Variants in AGGF1 observed in about 807,000 individuals in gnomAD.
AGGF1 encodes angiogenic factor with G patch and FHA domains 1.
Under a neutral mutation model 86.5 loss-of-function variants are expected in AGGF1, and 56 were observed. The observed-to-expected ratio is 0.65, with a 90% CI of 0.52 to 0.81. The LOEUF (loss-of-function observed/expected upper bound fraction) is 0.81, where lower values mean the gene tolerates loss of function less well. Ranked by LOEUF, AGGF1 falls within the 30% of genes least tolerant of loss-of-function variation. AGGF1 has a pLI of 0.00. For synonymous variants in AGGF1, 313 were observed against 297.1 expected, an observed-to-expected ratio of 1.05 and a Z score of -0.55; for missense variants, 816 against 850.9, an observed-to-expected ratio of 0.96 and a Z score of 0.51.
intron 2 of AGGF1, 127 bp from the exon 3 acceptor site, chr5:77,035,414 G>C: frequency 1.4e-6 from 1 of 730,488 alleles, no homozygotes; most frequent in Non-Finnish European, 2.3e-6. Context: ...AATTTGTACA[G>C]TTGTAAAAAT....
intron 10 of AGGF1, among the ~76,000 whole-genome samples, chr5:77,054,603 AT>A (rs1561290502): frequency 6.6e-6 from 1 of 152,232 alleles, no homozygotes; most frequent in Non-Finnish European, 1.5e-5. Flanking sequence ...ACAAAAAATG[AT>A]AAGTACATGA....
rs746840584 is a variant in AGGF1 at position 77,030,976 on chromosome 5, G to A, written c.210G>A (p.Gln70=). The part of the protein sequence containing the change: ...AESNNQELRT[Q]VEELSKILQR... ...GCAACAACCAGGAGCTCCGCACGCAGGTGCGCGGTCCTCCTCAGCCCCGCG... is the reference window on the plus strand; with the variant it reads ...GCAACAACCAGGAGCTCCGCACGCAAGTGCGCGGTCCTCCTCAGCCCCGCG... Residue 70 remains glutamine, a splice_region_variant and synonymous_variant, in exon 1 of 14, where the codon CAG becomes CAA. Transcript: ENST00000312916. 1.9e-6 allele frequency: 3 copies of A among 1,611,708 alleles called. No individual in the cohort carries two copies. The highest frequency in any genetic ancestry group is 1.1e-5 in the South Asian group (1 of 91,066).
intron 8 of AGGF1, 75 bp from the exon 9 acceptor site, chr5:77,052,631 C>A: frequency 9.7e-7 from 1 of 1,025,818 alleles, no homozygotes; most frequent in Non-Finnish European, 1.5e-6. Flanking sequence ...AAGTTAACAT[C>A]ATCATATCAT....
At position 77,059,204 on chromosome 5, in the gene AGGF1, C is replaced by T. The variant is rs187334049; in HGVS notation, c.1717-412C>T. On this transcript the variant is annotated intron_variant, in intron 11 of 13. Transcript: ENST00000312916. ...ACAAGATGAGAACACAGCATTAAGT[C>T]AGAATATACTGTTATTTTCACCATG... 3.4e-3 allele frequency among the ~76,000 whole-genome samples: 514 copies of T among 152,152 alleles called. 4 individuals are homozygous for T. Among genetic ancestry groups the T allele is most frequent in the African/African-American group, 0.012 (484 of 41,502 alleles).
At chr5:77,047,411 A>C (rs1006914230) in intron 6 of AGGF1, among the ~76,000 whole-genome samples, 1 of 152,200 alleles carries the variant, frequency 6.6e-6, no homozygotes, top group African/African-American at 2.4e-5. Flanking sequence ...ACATCCATAG[A>C]TTTTGGCATA....
Position 77,052,690 on chromosome 5 carries a change from G to C in AGGF1, c.1366-16G>C. On this transcript the variant is annotated splice_polypyrimidine_tract_variant and intron_variant, in intron 8 of 13. Transcript: ENST00000312916. ...AAAGTATAATAATTAATAATTGCTTGATTTCACTTTCTAAGTTTCATGCAG... is the reference window on the plus strand; with the variant it reads ...AAAGTATAATAATTAATAATTGCTTCATTTCACTTTCTAAGTTTCATGCAG... 1 of 1,575,646 alleles carries C rather than the reference G, an allele frequency of 6.3e-7. No individual in the cohort carries two copies. Among genetic ancestry groups the C allele is most frequent in the Non-Finnish European group, 8.7e-7 (1 of 1,145,824 alleles).
intron 8 of AGGF1, 70 bp downstream of exon 8, chr5:77,049,057 C>T: frequency 6.7e-7 from 1 of 1,486,494 alleles, no homozygotes; most frequent in Non-Finnish European, 9.3e-7. Context: ...CAGTAGAAAG[C>T]TTAGGGATTT....
intron 9 of AGGF1, 76 bp downstream of exon 9, chr5:77,052,883 T>C: frequency 1.7e-6 from 2 of 1,206,832 alleles, no homozygotes; most frequent in Non-Finnish European, 2.4e-6. Flanking sequence ...AAGGGCATAA[T>C]CTTTATCATT....
At chr5:77,035,423 A>G (rs894815958) in intron 2 of AGGF1, 118 bp from the exon 3 acceptor site, 8 of 774,044 alleles carry the variant, frequency 1.0e-5, no homozygotes, top group Non-Finnish European at 1.7e-5. Flanking sequence ...AGTTGTAAAA[A>G]TCATGATTTA....
At position 77,059,818 on chromosome 5, in the gene AGGF1, G is replaced by A. The variant is rs1370695003; in HGVS notation, c.1844+75G>A. 6 of 1,557,610 alleles carry A rather than the reference G, an allele frequency of 3.9e-6. No homozygotes were observed. The Admixed American group carries it at 1.0e-4, about 26-fold the overall frequency. ...TTCATAGGGTGGTCTGATGTTCAGG[G>A]CTATATATCCTGATAGGTGGCCTAT... is the stretch of plus-strand genomic sequence containing the variant. On this transcript the variant is annotated intron_variant, in intron 12 of 13. Coordinates refer to ENST00000312916, the MANE Select transcript of AGGF1 (RefSeq NM_018046.5).
intron 11 of AGGF1, among the ~76,000 whole-genome samples, chr5:77,058,177 C>G (rs7704267): frequency 0.58 from 87,532 of 151,932 alleles, 25,634 homozygotes; most frequent in Admixed American, 0.61. Context: ...TGTACACTAA[C>G]TATGTATGAT....
rs760959442 is a variant in AGGF1 at position 77,034,463 on chromosome 5, A to G, written c.256A>G (p.Asn86Asp). The part of the protein sequence containing the change: ...KILQRGRNED[N>D]KKSDVEVQTE... Reference sequence around the variant, plus strand: ...ACTCCAACGTGGGAGAAATGAAGATAATAAAAAGTCTGATGTAGAAGTACA... The same window carrying G: ...ACTCCAACGTGGGAGAAATGAAGATGATAAAAAGTCTGATGTAGAAGTACA... The change falls in exon 2 of 14, where the codon AAT (asparagine) becomes GAT (aspartate). Residue 86 changes from asparagine to aspartate, a missense_variant. Physicochemically the swap from Asn to Asp is conservative, Grantham distance 23 (BLOSUM62 1). Around this residue, in one of 3 missense-constraint regions of AGGF1, gnomAD observed 240 missense variants for 234.4 expected, o/e 1.02. Coordinates refer to ENST00000312916, the MANE Select transcript of AGGF1 (RefSeq NM_018046.5). 5 of 1,613,548 alleles carry G rather than the reference A, an allele frequency of 3.1e-6. No individual in the cohort carries two copies. In the East Asian group the frequency reaches 6.7e-5, roughly 22 times the overall value.
chr5:77,053,198 T>C (rs1023717781), intron 9 of AGGF1, among the ~76,000 whole-genome samples: 12 of 152,182 alleles, frequency 7.9e-5, no homozygotes, highest in Middle Eastern at 3.2e-3. Context: ...ATCCTCAGCA[T>C]GTAGCAAAGT....
rs1747424329 is a variant in AGGF1, at chr5:77,054,251, T to C, written c.1633+121T>C. On this transcript the variant is annotated intron_variant, in intron 10 of 13. Coordinates refer to ENST00000312916, the MANE Select transcript of AGGF1 (RefSeq NM_018046.5). ...ATTGATACGATACTGCATTGAGAGA[T>C]ATTTTATACAAAGCTATCAGTCTTG... 4 of 1,188,056 alleles carry C rather than the reference T, an allele frequency of 3.4e-6. No homozygotes were observed. The Admixed American group carries it at 5.6e-5, about 17-fold the overall frequency. 73.6% of individuals were successfully genotyped at this position (1,188,056 alleles called of 1,614,324 possible).
At chr5:77,047,537 A>G (rs1747291102) in intron 6 of AGGF1, among the ~76,000 whole-genome samples, 1 of 152,144 alleles carries the variant, frequency 6.6e-6, no homozygotes, top group Admixed American at 6.5e-5. Context: ...TTTTTGAGAC[A>G]GAGCCTTGCT....
chr5:77,036,581 A>T lies in AGGF1; in HGVS notation c.542A>T (p.Glu181Val). 3 of 1,614,168 alleles carry T rather than the reference A, an allele frequency of 1.9e-6. No individual in the cohort carries two copies. The highest frequency in any genetic ancestry group is 2.5e-6 in the Non-Finnish European group (3 of 1,180,016). The change falls in exon 4 of 14, where the codon GAA becomes GTA. Residue 181 changes from glutamate (E) to valine (V), a missense_variant. Physicochemically the swap from Glu to Val is moderately radical, Grantham distance 121. Around this residue, in one of 3 missense-constraint regions of AGGF1, gnomAD observed 240 missense variants for 234.4 expected, o/e 1.02. Coordinates refer to ENST00000312916, the MANE Select transcript of AGGF1 (RefSeq NM_018046.5). ...GAGCCAGCATCTGCATTAGCAACAGAAGATACCTCCTTAGAAGGCTCATCA... is the reference window on the plus strand; with the variant it reads ...GAGCCAGCATCTGCATTAGCAACAGTAGATACCTCCTTAGAAGGCTCATCA... Reference protein sequence around the residue: ...SQEPASALATEDTSLEGSSLA... With the variant: ...SQEPASALATVDTSLEGSSLA...
chr5:77,052,340 G>A (rs181237148), intron 8 of AGGF1, among the ~76,000 whole-genome samples: 18 of 151,166 alleles, frequency 1.2e-4, no homozygotes, highest in African/African-American at 3.7e-4. Flanking sequence ...GTGACAGAGC[G>A]AGACCCTGTC....
At chr5:77,048,109 G>A in intron 6 of AGGF1, 52 bp from the exon 7 acceptor site, 1 of 1,175,104 alleles carries the variant, frequency 8.5e-7, no homozygotes, top group Non-Finnish European at 1.3e-6. Flanking sequence ...TCCCTATGAA[G>A]TTCTTTTTCA....
At chr5:77,052,592 T>C (rs1462635472) in intron 8 of AGGF1, 114 bp from the exon 9 acceptor site, 1 of 694,942 alleles carries the variant, frequency 1.4e-6, no homozygotes, top group East Asian at 2.8e-5. Context: ...AAGTATTAAG[T>C]ATAATAAAAT....
Sources: gnomAD v4.1 joint callset for allele counts (sites outside exome capture counted in the v4.1 genomes callset) on GRCh38, gnomAD v4.1.1 for gene constraint, gnomAD v4.1.1 regional missense constraint, MANE v1.5 for transcripts, NCBI Gene and HGNC (gene_info 2026-07-23, HGNC 2026-07-21) for gene names.